Variants in USP9X observed in about 807,000 individuals in gnomAD.
The protein encoded by USP9X is ubiquitin carboxyl-terminal hydrolase 9X.
A neutral mutation model predicts 190.3 loss-of-function variants in USP9X; 7 were observed. The ratio of observed to expected loss-of-function variants is 0.04; its 90% CI spans 0.02 to 0.07. The LOEUF (loss-of-function observed/expected upper bound fraction) is 0.07. Among genes scored for constraint, USP9X ranks in the 10% least tolerant of loss-of-function variants. The probability of loss-of-function intolerance (pLI) is 1.00; values close to 1 mark genes in which losing one functional copy is unlikely to be tolerated. For synonymous variants in USP9X, 645 were observed against 659.5 expected, an observed-to-expected ratio of 0.98 and a Z score of 0.34; for missense variants, 1,010 against 1,916.9, an observed-to-expected ratio of 0.53 and a Z score of 8.83.
intron 21 of USP9X, among the ~76,000 whole-genome samples, chrX:41,174,480 G>A (rs2062756105): frequency 9.0e-6 from 1 of 111,513 alleles, no homozygotes; most frequent in African/African-American, 3.3e-5. Flanking sequence ...AAGATTACAG[G>A]CCAGTTAATT....
chrX:41,153,217 C>A, intron 14 of USP9X, 136 bp downstream of exon 14: 2 of 605,438 alleles, frequency 3.3e-6, no homozygotes, highest in Non-Finnish European at 4.5e-6. Context: ...ACATCCTAAA[C>A]TCTAGGCCAG....
At position 41,171,649 on chromosome X, in the gene USP9X, TTGA is replaced by T. The variant is rs748501050; in HGVS notation, c.3028-183_3028-181del. The T allele has an allele frequency of 6.9e-4, 350 of 510,056 alleles. 1 individual carries two copies. Among genetic ancestry groups the T allele is most frequent in the African/African-American group, 6.7e-3 (288 of 42,824 alleles). 42.0% of individuals were successfully genotyped at this position (510,056 alleles called of 1,213,427 possible). On this transcript the variant is annotated intron_variant, in intron 20 of 44. Transcript: ENST00000378308. Reference sequence around the variant, plus strand: ...TCACAAAAAAATGACTGGAAGTGACTTGATGATGTATTTGATCTGCACTATTAA... The same window carrying T: ...TCACAAAAAAATGACTGGAAGTGACTTGATGTATTTGATCTGCACTATTAA...
In USP9X at chrX:41,216,091, C is replaced by T. The variant is rs1393936162; in HGVS notation, c.5524C>T (p.Pro1842Ser). 1.1e-5 allele frequency: 13 copies of T among 1,209,468 alleles called. No individual in the cohort carries two copies. The highest frequency in any genetic ancestry group is 1.3e-5 in the Non-Finnish European group (12 of 895,168). The change falls in exon 35 of 45, where the codon CCA (proline) becomes TCA (serine). Residue 1842 changes from proline to serine, a missense_variant. Pro to Ser is a moderately conservative substitution (Grantham distance 74). Transcript: ENST00000378308. The part of the protein sequence containing the change: ...VAKLEGDNVN[P>S]ESQLIQQSEQ... ...AAAGCTGGAAGGGGATAATGTAAAC[C>T]CAGAGAGTCAGTTGATACAACAGAG...
At chrX:41,183,024 C>T (rs1318193834) in intron 21 of USP9X, among the ~76,000 whole-genome samples, 1 of 109,027 alleles carries the variant, frequency 9.2e-6, no homozygotes, top group South Asian at 4.0e-4. Flanking sequence ...CTGCAACGTC[C>T]GCCTCCCAGG....
intron 26 of USP9X, among the ~76,000 whole-genome samples, chrX:41,192,452 CTGT>C (rs2062945416): frequency 8.9e-6 from 1 of 111,872 alleles, no homozygotes; most frequent in African/African-American, 3.3e-5. Context: ...TTTCCACAGC[CTGT>C]TGTTTTATTC....
intron 1 of USP9X, among the ~76,000 whole-genome samples, chrX:41,102,583 G>T (rs972624867): frequency 9.0e-6 from 1 of 111,298 alleles, no homozygotes; most frequent in Non-Finnish European, 1.9e-5. Flanking sequence ...AGATCACGCC[G>T]CTGGACTCAA....
At chrX:41,104,095 C>T (rs2062052841) in intron 1 of USP9X, among the ~76,000 whole-genome samples, 1 of 111,735 alleles carries the variant, frequency 8.9e-6, no homozygotes, top group Non-Finnish European at 1.9e-5. Context: ...GAGACAGGTT[C>T]TCGCTCTGTC....
chrX:41,189,314 T>C lies in USP9X; in HGVS notation c.3816T>C (p.Asn1272=). The change falls in exon 26 of 45, where the codon AAT becomes AAC. Residue 1272 remains asparagine (N), a synonymous_variant. Coordinates refer to ENST00000378308, the MANE Select transcript of USP9X (RefSeq NM_001039591.3). Reference sequence around the variant, plus strand: ...TCTTGATTGTAATTTTACAGACCAATGCAGGCAATGAGCCAGACTTGGAAG... The same window carrying C: ...TCTTGATTGTAATTTTACAGACCAACGCAGGCAATGAGCCAGACTTGGAAG... ...EEITKIYEKT[N]AGNEPDLEDE... is the part of the protein sequence containing the mutation. 1.7e-6 allele frequency: 2 copies of C among 1,207,671 alleles called. No individual in the cohort carries two copies. Among genetic ancestry groups the C allele is most frequent in the Non-Finnish European group, 1.1e-6 (1 of 893,602 alleles).
intron 33 of USP9X, among the ~76,000 whole-genome samples, chrX:41,214,212 C>T (rs1050965317): frequency 3.6e-5 from 4 of 112,437 alleles, no homozygotes; most frequent in African/African-American, 1.3e-4. Context: ...GCATGAATTA[C>T]TATCTAAACA....
chrX:41,210,746 T>C, intron 33 of USP9X, 64 bp downstream of exon 33: 1 of 1,058,724 alleles, frequency 9.4e-7, no homozygotes, highest in Non-Finnish European at 1.3e-6. Flanking sequence ...GAAATAAAAT[T>C]TTTACTAGTA....
At chrX:41,132,426 C>T (rs2062329628) in intron 4 of USP9X, among the ~76,000 whole-genome samples, 1 of 107,667 alleles carries the variant, frequency 9.3e-6, no homozygotes, top group Non-Finnish European at 1.9e-5. Flanking sequence ...GCCTCAGCCT[C>T]CCGAGTAGCT....
intron 1 of USP9X, among the ~76,000 whole-genome samples, chrX:41,122,357 A>G (rs1187914247): frequency 8.9e-6 from 1 of 112,099 alleles, no homozygotes; most frequent in Non-Finnish European, 1.9e-5. Flanking sequence ...ACCATTTATA[A>G]TGCCCTAGTA....
intron 14 of USP9X, among the ~76,000 whole-genome samples, chrX:41,160,876 A>G (rs180678834): frequency 1.2e-3 from 137 of 112,120 alleles, no homozygotes; most frequent in African/African-American, 4.2e-3. Flanking sequence ...ATGTAAAAGG[A>G]CGTTATTGGG....
chrX:41,092,683 A>G (rs772143193), intron 1 of USP9X, among the ~76,000 whole-genome samples: 1 of 75,634 alleles, frequency 1.3e-5, no homozygotes, highest in African/African-American at 3.7e-5. Flanking sequence ...CTAATGAGAA[A>G]AACAATTTGG....
In USP9X at chrX:41,085,864, C is replaced by G. The variant is rs992398131; in HGVS notation, c.-404C>G. The G allele has an allele frequency of 1.3e-5, 4 of 297,446 alleles. No individual in the cohort carries two copies. Among genetic ancestry groups the G allele is most frequent in the Non-Finnish European group, 2.3e-5 (4 of 170,709 alleles). 24.5% of individuals were successfully genotyped at this position (297,446 alleles called of 1,213,427 possible). A position where few individuals can be genotyped will look rare whatever the true frequency, so the allele number is the denominator to read the frequency against. On this transcript the variant is annotated 5_prime_UTR_variant, in exon 1 of 45. Transcript: ENST00000378308. ...GGGAGAAGGGGAAGAGGGCCGTCGC[C>G]GGCCAAGGAGGAGGAGGAGGCGGGC...
At chrX:41,186,710 C>T in intron 24 of USP9X, 68 bp downstream of exon 24, 1 of 1,106,365 alleles carries the variant, frequency 9.0e-7, no homozygotes, top group Admixed American at 2.3e-5. Flanking sequence ...ATCACTGTCT[C>T]ATTCTATAGA....
At chrX:41,197,553 T>C in intron 29 of USP9X, 43 bp downstream of exon 29, 2 of 1,102,903 alleles carry the variant, frequency 1.8e-6, no homozygotes, top group Non-Finnish European at 1.2e-6. Flanking sequence ...ATCATAACCT[T>C]CTAAATGTTT....
At chrX:41,107,339 G>A (rs1743169685) in intron 1 of USP9X, among the ~76,000 whole-genome samples, 1 of 112,543 alleles carries the variant, frequency 8.9e-6, no homozygotes, top group Non-Finnish European at 1.9e-5. Flanking sequence ...ATTTCTTTCA[G>A]TGCTTGAAGA....
rs747875793 is a variant in USP9X at position 41,151,806 on chromosome X, C to G, written c.1763+749C>G. Among the ~76,000 whole-genome samples the G allele has an allele frequency of 1.9e-4, 21 of 112,360 alleles. 1 individual carries two copies. Among genetic ancestry groups the G allele is most frequent in the African/African-American group, 6.5e-4 (20 of 30,939 alleles). On this transcript the variant is annotated intron_variant, in intron 13 of 44. Coordinates refer to ENST00000378308, the MANE Select transcript of USP9X (RefSeq NM_001039591.3). ...GACCAGCCTGGCCAACATGGCGAAA[C>G]CCCGTCTCTACTGAAAATACAAAAA...
Sources: gnomAD v4.1 joint callset for allele counts (sites outside exome capture counted in the v4.1 genomes callset) on GRCh38, gnomAD v4.1.1 for gene constraint, MANE v1.5 for transcripts, NCBI Gene and HGNC (gene_info 2026-07-23, HGNC 2026-07-21) for gene names.